NTM: variants seen among roughly 807,000 people sequenced by gnomAD.
The protein encoded by NTM is neurotrimin.
A neutral mutation model predicts 42.1 loss-of-function variants in NTM; 13 were observed. That is an observed-to-expected ratio of 0.31 (90% CI 0.20 to 0.49). The LOEUF (loss-of-function observed/expected upper bound fraction) is 0.49. Ranked by LOEUF, NTM falls within the 20% of genes least tolerant of loss-of-function variation. The pLI is 0.99. For synonymous variants in NTM, 187 were observed against 179.2 expected (o/e 1.04, Z -0.35); for missense variants, 373 against 452.8 (o/e 0.82, Z 1.60).
chr11:131,605,079 C>G (rs1329881304), intron 1 of NTM, among the ~76,000 whole-genome samples: 1 of 151,172 alleles, frequency 6.6e-6, no homozygotes, highest in Non-Finnish European at 1.5e-5. Context: ...TTAGGATCAT[C>G]TTGTCAATTT....
At chr11:132,312,714 A>C (rs187491407) in intron 6 of NTM, 1 of 154,996 alleles carries the variant, frequency 6.5e-6, no homozygotes, top group African/African-American at 2.4e-5. Context: ...CTTCCTCCCC[A>C]TGGTGGACGA....
intron 1 of NTM, among the ~76,000 whole-genome samples, chr11:131,869,459 C>T (rs1055172704): frequency 2.6e-5 from 4 of 152,178 alleles, no homozygotes; most frequent in East Asian, 1.9e-4. Flanking sequence ...CTACTGTCTC[C>T]GGCATCTGTT....
At chr11:131,720,144 A>G (rs951634057) in intron 1 of NTM, among the ~76,000 whole-genome samples, 5 of 152,208 alleles carry the variant, frequency 3.3e-5, no homozygotes, top group African/African-American at 1.2e-4. Context: ...AAAGCAATTG[A>G]AAAGTTAATA....
intron 1 of NTM, among the ~76,000 whole-genome samples, chr11:131,584,706 G>T (rs970696581): frequency 5.3e-5 from 8 of 152,252 alleles, no homozygotes; most frequent in African/African-American, 1.9e-4. Context: ...CTGCAATTTT[G>T]TGAGATTACA....
At chr11:131,920,232 C>T (rs905538861) in intron 2 of NTM, among the ~76,000 whole-genome samples, 13 of 152,078 alleles carry the variant, frequency 8.5e-5, no homozygotes, top group African/African-American at 3.1e-4. Flanking sequence ...AAAACAGGGT[C>T]TGGGATAACA....
At chr11:131,668,560 A>C (rs2069530465) in intron 1 of NTM, among the ~76,000 whole-genome samples, 1 of 152,126 alleles carries the variant, frequency 6.6e-6, no homozygotes, top group Non-Finnish European at 1.5e-5. Flanking sequence ...GGATATAATG[A>C]GTCTAAAGCA....
intron 2 of NTM, among the ~76,000 whole-genome samples, chr11:131,921,045 G>A (rs183070303): frequency 6.4e-4 from 97 of 152,196 alleles, no homozygotes; most frequent in African/African-American, 2.0e-3. Context: ...GAAAAAGAAC[G>A]CATGCGAATT....
At chr11:132,282,443 A>G (rs2094009883) in intron 4 of NTM, among the ~76,000 whole-genome samples, 1 of 152,178 alleles carries the variant, frequency 6.6e-6, no homozygotes, top group Admixed American at 6.5e-5. Context: ...TGTGATGTAT[A>G]ATGCTGATCA....
chr11:131,694,962 A>T (rs2075258930), intron 1 of NTM, among the ~76,000 whole-genome samples: 1 of 152,158 alleles, frequency 6.6e-6, no homozygotes. Context: ...GCCCCAGCAG[A>T]GGGGCAGTCG....
chr11:131,447,923 G>A lies in NTM; in HGVS notation c.82+77035G>A, dbSNP rs200915477. On this transcript the variant is annotated intron_variant, in intron 1 of 8. Transcript: ENST00000683400. ...TTCTGCATCTCTGCTCCACTTCCTC[G>A]CCTTGTACTTCTGCGTCTTGGGCAG... 3.7e-3 allele frequency among the ~76,000 whole-genome samples: 562 copies of A among 152,304 alleles called. 5 individuals are homozygous for A. Among genetic ancestry groups the A allele is most frequent in the African/African-American group, 0.012 (499 of 41,582 alleles).
intron 1 of NTM, among the ~76,000 whole-genome samples, chr11:131,593,731 T>C (rs2059582069): frequency 6.6e-6 from 1 of 152,248 alleles, no homozygotes; most frequent in South Asian, 2.1e-4. Flanking sequence ...TCTTGTATTT[T>C]GTTGTATTTT....
intron 2 of NTM, among the ~76,000 whole-genome samples, chr11:132,071,353 A>C (rs2057639331): frequency 6.7e-6 from 1 of 149,340 alleles, no homozygotes; most frequent in African/African-American, 2.5e-5. Flanking sequence ...TCACTCAGCC[A>C]AGTTAACACG....
At chr11:131,861,493 C>G (rs2046632245) in intron 1 of NTM, among the ~76,000 whole-genome samples, 1 of 152,010 alleles carries the variant, frequency 6.6e-6, no homozygotes, top group Admixed American at 6.6e-5. Flanking sequence ...CTTTTCCTTT[C>G]TTGATAAAAA....
At chr11:131,972,961 GGCAGATAAACAAATAATCAA>G (rs1388122267) in intron 2 of NTM, among the ~76,000 whole-genome samples, 1 of 151,946 alleles carries the variant, frequency 6.6e-6, no homozygotes, top group African/African-American at 2.4e-5. Context: ...ACAATAACCA[GGCAGATAAACAAATAATCAA>G]GCAGACCAAC....
Position 131,685,644 on chromosome 11 carries a change from A to G in NTM, c.83-225920A>G, listed in dbSNP as rs118000541. ...AAATGCCCGCCAATCGCCCTATTTC[A>G]GTAGACACAGAGCCACAGCACACTC... On this transcript the variant is annotated intron_variant, in intron 1 of 8. Coordinates refer to ENST00000683400, the MANE Select transcript of NTM (RefSeq NM_001352005.2). 7.9e-3 allele frequency among the ~76,000 whole-genome samples: 1,208 copies of G among 152,248 alleles called. 8 individuals are homozygous for G. The highest frequency in any genetic ancestry group is 0.012 in the Non-Finnish European group (809 of 68,002).
At chr11:131,748,814 A>T (rs2082137310) in intron 1 of NTM, among the ~76,000 whole-genome samples, 2 of 152,260 alleles carry the variant, frequency 1.3e-5, no homozygotes, top group South Asian at 4.1e-4. Flanking sequence ...ACTACCCTGG[A>T]GGCTTGGCCT....
intron 1 of NTM, among the ~76,000 whole-genome samples, chr11:131,542,229 G>T (rs186586411): frequency 1.0e-3 from 156 of 152,300 alleles, no homozygotes; most frequent in African/African-American, 3.6e-3. Flanking sequence ...GGTCAAGAAG[G>T]CCTCAGAGTT....
At chr11:131,859,642 C>T (rs1253106261) in intron 1 of NTM, among the ~76,000 whole-genome samples, 1 of 152,164 alleles carries the variant, frequency 6.6e-6, no homozygotes, top group African/African-American at 2.4e-5. Flanking sequence ...CGCTCTTTCC[C>T]TTGGTTTCCT....
At chr11:131,687,759 G>A (rs1333285189) in intron 1 of NTM, among the ~76,000 whole-genome samples, 3 of 152,116 alleles carry the variant, frequency 2.0e-5, no homozygotes, top group Non-Finnish European at 4.4e-5. Flanking sequence ...GGCCACAGGC[G>A]AGGGGGCCCC....
Sources: gnomAD v4.1 joint callset for allele counts (sites outside exome capture counted in the v4.1 genomes callset) on GRCh38, gnomAD v4.1.1 for gene constraint, MANE v1.5 for transcripts, NCBI Gene and HGNC (gene_info 2026-07-23, HGNC 2026-07-21) for gene names.